Variants in ARID1B observed in about 807,000 individuals in gnomAD.
ARID1B encodes the protein AT-rich interactive domain-containing protein 1B.
A neutral mutation model predicts 212.3 loss-of-function variants in ARID1B; 30 were observed. That is an observed-to-expected ratio of 0.14 (90% CI 0.11 to 0.19). The LOEUF (loss-of-function observed/expected upper bound fraction) is 0.19. Ranked by LOEUF, ARID1B falls within the 10% of genes least tolerant of loss-of-function variation. The pLI is 1.00. For synonymous variants in ARID1B, 1,402 were observed against 1,301.7 expected, an observed-to-expected ratio of 1.08 and a Z score of -1.66; for missense variants, 2,891 against 3,204.0, an observed-to-expected ratio of 0.90 and a Z score of 2.36.
chr6:156,885,266 C>A (rs1323542190), intron 2 of ARID1B, among the ~76,000 whole-genome samples: 1 of 152,160 alleles, frequency 6.6e-6, no homozygotes, highest in Non-Finnish European at 1.5e-5. Context: ...TCACTGAAGT[C>A]TATTGACTTA....
rs189740244 is a variant in ARID1B, at chr6:156,968,801, G to T, written c.2247+33225G>T. ...GGGAGTCAAGGCTCCTTCCTCACAG[G>T]GTCATTGTCAGGATCACCAGAGATC... On this transcript the variant is annotated intron_variant, in intron 4 of 19. Transcript: ENST00000636930. Among the ~76,000 whole-genome samples the T allele has an allele frequency of 1.4e-3, 206 of 152,338 alleles. 3 individuals are homozygous for T. The highest frequency in any genetic ancestry group is 1.4e-3 in the Non-Finnish European group (94 of 68,038).
chr6:157,071,604 C>T (rs934283088), intron 4 of ARID1B: 9 of 152,200 alleles, frequency 5.9e-5, no homozygotes, highest in African/African-American at 1.9e-4. Flanking sequence ...CGGGCACAGG[C>T]GCTACCTGTA....
At chr6:156,894,017 C>G (rs1582891634) in intron 2 of ARID1B, among the ~76,000 whole-genome samples, 1 of 152,224 alleles carries the variant, frequency 6.6e-6, no homozygotes, top group East Asian at 1.9e-4. Context: ...TTTCACAATA[C>G]TCAAAAGTTG....
At chr6:157,050,821 T>C (rs937616446) in intron 4 of ARID1B, among the ~76,000 whole-genome samples, 1 of 152,224 alleles carries the variant, frequency 6.6e-6, no homozygotes, top group Non-Finnish European at 1.5e-5. Context: ...TGTGCAAACA[T>C]CGCAGGCACA....
chr6:156,978,341 C>T (rs115469984), intron 4 of ARID1B, among the ~76,000 whole-genome samples: 142 of 152,302 alleles, frequency 9.3e-4, no homozygotes, highest in African/African-American at 3.3e-3. Context: ...TGTTGATGGT[C>T]AGTGTTTTGA....
At chr6:157,096,366 T>C (rs778411206) in intron 5 of ARID1B, among the ~76,000 whole-genome samples, 3 of 152,204 alleles carry the variant, frequency 2.0e-5, no homozygotes, top group Non-Finnish European at 2.9e-5. Flanking sequence ...GTTCTGAAAT[T>C]GGTGACTTAT....
At chr6:156,903,658 C>T (rs534470244) in intron 3 of ARID1B, among the ~76,000 whole-genome samples, 1 of 152,118 alleles carries the variant, frequency 6.6e-6, no homozygotes, top group Non-Finnish European at 1.5e-5. Flanking sequence ...CTAAATCTAT[C>T]CTGAAACAAA....
chr6:156,831,727 T>C (rs1783153855), intron 2 of ARID1B, among the ~76,000 whole-genome samples: 1 of 152,238 alleles, frequency 6.6e-6, no homozygotes, highest in African/African-American at 2.4e-5. Flanking sequence ...TTAGATTTAT[T>C]TGAAGGGACA....
intron 16 of ARID1B, among the ~76,000 whole-genome samples, chr6:157,197,115 T>C (rs1211266026): frequency 1.3e-5 from 2 of 152,342 alleles, no homozygotes; most frequent in East Asian, 3.9e-4. Context: ...CAATACTCAT[T>C]GTCACAAAAA....
chr6:157,051,957 T>C (rs1435563579), intron 4 of ARID1B, among the ~76,000 whole-genome samples: 1 of 152,262 alleles, frequency 6.6e-6, no homozygotes, highest in Non-Finnish European at 1.5e-5. Context: ...TGTATTTTGC[T>C]TTATTTTAGT....
chr6:156,851,088 T>C (rs1784552433), intron 2 of ARID1B, among the ~76,000 whole-genome samples: 1 of 152,216 alleles, frequency 6.6e-6, no homozygotes, highest in Non-Finnish European at 1.5e-5. Flanking sequence ...ATGAGCCAGG[T>C]CTGGCTCTTT....
intron 4 of ARID1B, among the ~76,000 whole-genome samples, chr6:157,017,578 C>A (rs1334710222): frequency 6.6e-6 from 1 of 152,170 alleles, no homozygotes; most frequent in Non-Finnish European, 1.5e-5. Context: ...TCAGTAGTAA[C>A]AAATGAGCAG....
At chr6:156,966,233 G>C (rs937744945) in intron 4 of ARID1B, among the ~76,000 whole-genome samples, 5 of 151,918 alleles carry the variant, frequency 3.3e-5, no homozygotes, top group African/African-American at 1.2e-4. Context: ...ATACTTCAAT[G>C]GTATATCGCA....
intron 2 of ARID1B, among the ~76,000 whole-genome samples, chr6:156,891,029 A>G (rs572084768): frequency 3.3e-5 from 5 of 152,326 alleles, no homozygotes; most frequent in Admixed American, 2.0e-4. Context: ...GGACTGTGGA[A>G]TGTTGAGCAG....
intron 4 of ARID1B, among the ~76,000 whole-genome samples, chr6:156,989,765 G>A (rs1778155961): frequency 6.6e-6 from 1 of 152,178 alleles, no homozygotes; most frequent in Non-Finnish European, 1.5e-5. Context: ...TAAATGCCTT[G>A]TCAAGAGTGC....
chr6:156,790,948 T>G (rs762781050), intron 1 of ARID1B, among the ~76,000 whole-genome samples: 17 of 152,246 alleles, frequency 1.1e-4, no homozygotes, highest in Admixed American at 3.3e-4. Context: ...TTATTATGCA[T>G]TAAGTTTCTG....
At chr6:156,904,922 T>C (rs975245602) in intron 3 of ARID1B, among the ~76,000 whole-genome samples, 3 of 152,220 alleles carry the variant, frequency 2.0e-5, no homozygotes, top group African/African-American at 7.2e-5. Context: ...CTCTAAGATA[T>C]CTCATTTGTG....
chr6:156,813,929 G>A (rs1285319618), intron 1 of ARID1B, among the ~76,000 whole-genome samples: 1 of 152,178 alleles, frequency 6.6e-6, no homozygotes, highest in Admixed American at 6.5e-5. Flanking sequence ...TCAAGGATGT[G>A]TGCGCTGGTC....
At position 157,208,570 on chromosome 6, in the gene ARID1B, C is replaced by A; in HGVS notation, c.*679C>A. The A allele has an allele frequency of 4.3e-6, 1 of 233,062 alleles. No homozygotes were observed. The highest frequency in any genetic ancestry group is 8.5e-6 in the Non-Finnish European group (1 of 117,694). The allele number at this position is 233,062 out of a possible 1,614,324, so 14.4% of individuals were successfully genotyped here. A position where few individuals can be genotyped will look rare whatever the true frequency, so the allele number is the denominator to read the frequency against. On this transcript the variant is annotated 3_prime_UTR_variant, in exon 20 of 20. Transcript: ENST00000636930. Reference sequence around the variant, plus strand: ...TCCGGAAACTGCTCCTCACCACTCCCGTCATGCCTGCTGTCGGCGTTTGAC... The same window carrying A: ...TCCGGAAACTGCTCCTCACCACTCCAGTCATGCCTGCTGTCGGCGTTTGAC...
Sources: gnomAD v4.1 joint callset for allele counts (sites outside exome capture counted in the v4.1 genomes callset) on GRCh38, gnomAD v4.1.1 for gene constraint, MANE v1.5 for transcripts, NCBI Gene and HGNC (gene_info 2026-07-23, HGNC 2026-07-21) for gene names.